ADAMTS2: variants seen among roughly 807,000 people sequenced by gnomAD.
ADAMTS2 encodes A disintegrin and metalloproteinase with thrombospondin motifs 2.
ADAMTS2 carries 50 observed loss-of-function variants against 123.0 expected under a neutral mutation model. The ratio of observed to expected loss-of-function variants is 0.41; its 90% CI spans 0.32 to 0.51. The LOEUF (loss-of-function observed/expected upper bound fraction) is 0.51. ADAMTS2 is among the 20% of genes least tolerant of loss of function. The probability of loss-of-function intolerance (pLI) is 0.35; values close to 1 mark genes in which losing one functional copy is unlikely to be tolerated. For missense variants in ADAMTS2, 1,494 were observed against 1,705.2 expected, an observed-to-expected ratio of 0.88 and a Z score of 2.18; for synonymous variants, 678 against 695.4, an observed-to-expected ratio of 0.98 and a Z score of 0.39.
chr5:179,245,771 AAAAAAAAAAAAAAAAAAAAAAAAAC>A lies in ADAMTS2; in HGVS notation c.688+27115_688+27139del, dbSNP rs1419317652. Among the ~76,000 whole-genome samples, 7 of 112,610 alleles carry A rather than the reference AAAAAAAAAAAAAAAAAAAAAAAAAC, an allele frequency of 6.2e-5. 1 individual carries two copies. Among genetic ancestry groups the A allele is most frequent in the Non-Finnish European group, 9.9e-5 (5 of 50,354 alleles). The allele number at this position is 112,610 out of a possible 152,430, so 73.9% of individuals were successfully genotyped here. A position where few individuals can be genotyped will look rare whatever the true frequency, so the allele number is the denominator to read the frequency against. ...ACAGAGCGAGACTCCGTCTCAAAAAAAAAAAAAAAAAAAAAAAAAAAAAACAAAAAAAACAAAGATGGGGGTGGAA... is the reference window on the plus strand; with the variant it reads ...ACAGAGCGAGACTCCGTCTCAAAAAAAAAAAAAACAAAGATGGGGGTGGAA... On this transcript the variant is annotated intron_variant, in intron 3 of 21. Coordinates refer to ENST00000251582, the MANE Select transcript of ADAMTS2 (RefSeq NM_014244.5).
At position 179,162,657 on chromosome 5, in the gene ADAMTS2, A is replaced by G. The variant is rs2113273932; in HGVS notation, c.976-3778T>C. On this transcript the variant is annotated intron_variant, in intron 5 of 21. Coordinates refer to ENST00000251582, the MANE Select transcript of ADAMTS2 (RefSeq NM_014244.5). The surrounding 1 kb of genome is among the most constrained non-coding windows in gnomAD (Gnocchi z 5.1). ...CAACAAGAGAAGGCACCTCCCCTAC[A>G]GAAGCCACAGTCTGCTTTTGATAGA... Among the ~76,000 whole-genome samples the G allele has an allele frequency of 6.6e-6, 1 of 152,330 alleles. No homozygotes were observed. Among genetic ancestry groups the G allele is most frequent in the Middle Eastern group, 3.4e-3 (1 of 294 alleles).
At chr5:179,326,794 C>A (rs960309845) in intron 2 of ADAMTS2, among the ~76,000 whole-genome samples, 2 of 151,994 alleles carry the variant, frequency 1.3e-5, no homozygotes, top group Non-Finnish European at 2.9e-5. Context: ...CGTGTTGGAG[C>A]GAGATCGCGT....
intron 2 of ADAMTS2, among the ~76,000 whole-genome samples, chr5:179,274,934 G>T (rs1333552220): frequency 6.6e-6 from 1 of 152,228 alleles, no homozygotes; most frequent in Non-Finnish European, 1.5e-5. Context: ...ATCCCTTTGT[G>T]CTGGCCAGGC....
chr5:179,167,263 G>C (rs1462681083), intron 5 of ADAMTS2, among the ~76,000 whole-genome samples: 2 of 151,986 alleles, frequency 1.3e-5, no homozygotes, highest in African/African-American at 4.8e-5. Flanking sequence ...AGGAAGGGCC[G>C]GGCCCGAGCG....
chr5:179,230,827 A>G lies in ADAMTS2; in HGVS notation c.689-23112T>C, dbSNP rs1013488325. 2.6e-5 allele frequency among the ~76,000 whole-genome samples: 4 copies of G among 152,190 alleles called. 1 individual carries two copies. The highest frequency in any genetic ancestry group is 2.6e-4 in the Admixed American group (4 of 15,288). On this transcript the variant is annotated intron_variant, in intron 3 of 21. Transcript: ENST00000251582. Reference sequence around the variant, plus strand: ...GGAGTTCGAGACCAGGCTGGCCAACATGGTGAAACCCCATTTCTACTAAAA... The same window carrying G: ...GGAGTTCGAGACCAGGCTGGCCAACGTGGTGAAACCCCATTTCTACTAAAA...
At chr5:179,231,093 G>A (rs962959693) in intron 3 of ADAMTS2, among the ~76,000 whole-genome samples, 1 of 152,062 alleles carries the variant, frequency 6.6e-6, no homozygotes, top group Admixed American at 6.5e-5. Flanking sequence ...ACAGTGTAAT[G>A]GTACGCAGAC....
At chr5:179,212,634 T>C (rs1274882676) in intron 3 of ADAMTS2, among the ~76,000 whole-genome samples, 1 of 99,160 alleles carries the variant, frequency 1.0e-5, no homozygotes, top group Non-Finnish European at 2.1e-5. Context: ...TGAGGGCGGG[T>C]GCAGTGGGCA....
chr5:179,258,331 C>T (rs1370158858), intron 3 of ADAMTS2, among the ~76,000 whole-genome samples: 1 of 152,084 alleles, frequency 6.6e-6, no homozygotes, highest in African/African-American at 2.4e-5. Context: ...CTGAGCTCCT[C>T]CCCGCAGCCC....
intron 2 of ADAMTS2, among the ~76,000 whole-genome samples, chr5:179,310,404 C>T (rs1332501497): frequency 6.6e-6 from 1 of 152,236 alleles, no homozygotes; most frequent in Non-Finnish European, 1.5e-5. Flanking sequence ...GAAGCCCCCC[C>T]ATAGGCTGCC....
chr5:179,301,596 C>T (rs545373283), intron 2 of ADAMTS2, among the ~76,000 whole-genome samples: 21 of 152,320 alleles, frequency 1.4e-4, no homozygotes, highest in Admixed American at 3.9e-4. Flanking sequence ...GCCCAGATGC[C>T]GCAGGGAGAC....
At chr5:179,292,336 A>ACCG (rs1554095743) in intron 2 of ADAMTS2, among the ~76,000 whole-genome samples, 2 of 148,994 alleles carry the variant, frequency 1.3e-5, no homozygotes, top group African/African-American at 5.0e-5. Context: ...CTTTGCTATT[A>ACCG]CCCCCCAGCT....
rs1473833469 is a variant in ADAMTS2 at position 179,238,272 on chromosome 5, T to G, written c.689-30557A>C. ...AGGGAGCTGAGTCCCGGTTTTCACC[T>G]GCTGGGTGTCCACGGATTCACCCCC... is the stretch of plus-strand genomic sequence containing the variant. On this transcript the variant is annotated intron_variant, in intron 3 of 21. Coordinates refer to ENST00000251582, the MANE Select transcript of ADAMTS2 (RefSeq NM_014244.5). 8.5e-5 allele frequency among the ~76,000 whole-genome samples: 13 copies of G among 152,206 alleles called. No homozygotes were observed. The East Asian group carries it at 2.5e-3, about 29-fold the overall frequency.
At chr5:179,289,452 C>A (rs189761851) in intron 2 of ADAMTS2, among the ~76,000 whole-genome samples, 35 of 152,126 alleles carry the variant, frequency 2.3e-4, no homozygotes, top group Non-Finnish European at 4.4e-4. Flanking sequence ...TAAACCCCAT[C>A]GGCAACAGCA....
At chr5:179,283,701 G>A (rs1755903180) in intron 2 of ADAMTS2, among the ~76,000 whole-genome samples, 1 of 151,796 alleles carries the variant, frequency 6.6e-6, no homozygotes. Context: ...AGACCAGGCT[G>A]GCCAACATGG....
chr5:179,137,716 C>T, intron 12 of ADAMTS2, 53 bp downstream of exon 12: 5 of 1,454,900 alleles, frequency 3.4e-6, no homozygotes, highest in East Asian at 2.5e-5. Flanking sequence ...CCACCCTGCC[C>T]ACCCTAGGGC....
intron 2 of ADAMTS2, among the ~76,000 whole-genome samples, chr5:179,288,316 G>A (rs572072704): frequency 6.6e-6 from 1 of 152,332 alleles, no homozygotes; most frequent in South Asian, 2.1e-4. Context: ...TGCCACTCCC[G>A]GGCGGGCAGC....
chr5:179,136,419 G>A (rs9286044), intron 12 of ADAMTS2, among the ~76,000 whole-genome samples: 36,207 of 151,928 alleles, frequency 0.24, 4,430 homozygotes, highest in African/African-American at 0.25. Context: ...TAATCCCAGC[G>A]CTTTGGGAGG....
chr5:179,147,357 G>A (rs1439028299), intron 10 of ADAMTS2, among the ~76,000 whole-genome samples: 1 of 152,146 alleles, frequency 6.6e-6, no homozygotes, highest in Non-Finnish European at 1.5e-5. Context: ...CCAAAGTGTC[G>A]GGATTACAGG....
intron 18 of ADAMTS2, among the ~76,000 whole-genome samples, chr5:179,125,652 C>T (rs1050326061): frequency 2.0e-5 from 3 of 152,234 alleles, no homozygotes; most frequent in African/African-American, 4.8e-5. Context: ...GACCCAGAAA[C>T]GCAGCTGGGC....
Sources: allele counts gnomAD v4.1 joint callset (sites outside exome capture counted in the v4.1 genomes callset), GRCh38; gene constraint gnomAD v4.1.1; non-coding constraint Gnocchi (gnomAD v3.1); transcripts MANE v1.5; gene names NCBI Gene and HGNC (gene_info 2026-07-23, HGNC 2026-07-21).